HMBOX1: variants seen among roughly 807,000 people sequenced by gnomAD.
The protein encoded by HMBOX1 is homeobox-containing protein 1.
Under a neutral mutation model 54.5 loss-of-function variants are expected in HMBOX1, and 14 were observed. That is an observed-to-expected ratio of 0.26 (90% CI 0.17 to 0.40). The LOEUF is 0.40. Ranked by LOEUF, HMBOX1 falls within the 10% of genes least tolerant of loss-of-function variation. HMBOX1 has a pLI of 1.00. For missense variants in HMBOX1, 332 were observed against 514.4 expected (o/e 0.65, Z 3.43); for synonymous variants, 160 against 181.0 (o/e 0.88, Z 0.93).
At chr8:28,951,642 T>C (rs951802842) in intron 1 of HMBOX1, among the ~76,000 whole-genome samples, 2 of 152,210 alleles carry the variant, frequency 1.3e-5, no homozygotes, top group African/African-American at 2.4e-5. Context: ...TCAGTGCTTC[T>C]TGAATGAATG....
chr8:28,986,167 C>T (rs1231323123), intron 4 of HMBOX1, among the ~76,000 whole-genome samples: 1 of 152,140 alleles, frequency 6.6e-6, no homozygotes, highest in Non-Finnish European at 1.5e-5. Context: ...TGGAGTCATA[C>T]AGTGTGGAGC....
chr8:28,979,283 C>CCACT (rs1321000692), intron 3 of HMBOX1, among the ~76,000 whole-genome samples: 1 of 152,212 alleles, frequency 6.6e-6, no homozygotes, highest in East Asian at 1.9e-4. Context: ...AGAAGTCTTG[C>CCACT]CACTCATTGT....
At chr8:28,954,233 A>G (rs1824005997) in intron 1 of HMBOX1, among the ~76,000 whole-genome samples, 1 of 152,112 alleles carries the variant, frequency 6.6e-6, no homozygotes, top group Admixed American at 6.5e-5. Flanking sequence ...TTTTATTTTT[A>G]TAGATATTTT....
chr8:28,986,662 C>T (rs1349141240), intron 4 of HMBOX1, among the ~76,000 whole-genome samples: 1 of 152,124 alleles, frequency 6.6e-6, no homozygotes, highest in Non-Finnish European at 1.5e-5. Context: ...TTTGAATGTA[C>T]TTCATTCACT....
intron 1 of HMBOX1, among the ~76,000 whole-genome samples, chr8:28,957,034 A>G (rs1824581684): frequency 6.6e-6 from 1 of 152,226 alleles, no homozygotes; most frequent in African/African-American, 2.4e-5. Context: ...GAGAGTCCTC[A>G]AAGAACCAAC....
intron 4 of HMBOX1, among the ~76,000 whole-genome samples, chr8:29,008,248 T>G (rs529351131): frequency 6.6e-6 from 1 of 152,342 alleles, no homozygotes; most frequent in South Asian, 2.1e-4. Context: ...TTTTTTGGAA[T>G]AGCTATGAAT....
In HMBOX1 at chr8:29,049,036, C is replaced by T. The variant is rs751683399; in HGVS notation, c.1113C>T (p.Asp371=). 3 of 1,613,534 alleles carry T rather than the reference C, an allele frequency of 1.9e-6. No individual in the cohort carries two copies. The East Asian group carries it at 6.7e-5, about 36-fold the overall frequency. ...ACAGTGATGATGTCGACGGGAATGACTACTCTGAGCAGGTGAGCCCCTGCG... is the reference window on the plus strand; with the variant it reads ...ACAGTGATGATGTCGACGGGAATGATTACTCTGAGCAGGTGAGCCCCTGCG... ...HSNSDDVDGN[D]YSEQDDSTSH... Residue 371 remains aspartate, a synonymous_variant, in exon 9 of 10, where the codon GAC becomes GAT. Transcript: ENST00000287701.
At chr8:28,894,295 G>A (rs1811631271) in intron 1 of HMBOX1, among the ~76,000 whole-genome samples, 1 of 152,058 alleles carries the variant, frequency 6.6e-6, no homozygotes, top group African/African-American at 2.4e-5. Flanking sequence ...ATACTTTTAT[G>A]TTTATTTATT....
intron 6 of HMBOX1, among the ~76,000 whole-genome samples, chr8:29,039,635 T>G (rs929712940): frequency 2.6e-5 from 4 of 152,200 alleles, no homozygotes; most frequent in South Asian, 2.1e-4. Flanking sequence ...CATATTTTTT[T>G]GGGCTTAAAT....
At chr8:29,046,531 G>A (rs1383576671) in intron 7 of HMBOX1, 2 of 152,244 alleles carry the variant, frequency 1.3e-5, no homozygotes, top group African/African-American at 4.8e-5. Flanking sequence ...ATTGTGCTAT[G>A]TAGTCCAAAC....
intron 4 of HMBOX1, among the ~76,000 whole-genome samples, chr8:28,986,326 T>G (rs1413503792): frequency 5.3e-5 from 8 of 152,232 alleles, no homozygotes; most frequent in Non-Finnish European, 1.0e-4. Context: ...GGATAGCATC[T>G]TGGTTGCTTC....
rs78367573 is a variant in HMBOX1, at chr8:29,042,106, A to G, written c.852-3255A>G. On this transcript the variant is annotated intron_variant, in intron 6 of 9. Coordinates refer to ENST00000287701, the MANE Select transcript of HMBOX1 (RefSeq NM_001135726.3). ...GACGTACCAGTAAGGGAGACAAAACACCACCAATTATAAAATGCATCCTGA... is the reference window on the plus strand; with the variant it reads ...GACGTACCAGTAAGGGAGACAAAACGCCACCAATTATAAAATGCATCCTGA... 3.9e-3 allele frequency among the ~76,000 whole-genome samples: 601 copies of G among 152,304 alleles called. 12 individuals carry two copies. The East Asian group carries it at 0.055, about 14-fold the overall frequency.
chr8:28,938,620 T>A (rs1820797532), intron 1 of HMBOX1, among the ~76,000 whole-genome samples: 1 of 151,858 alleles, frequency 6.6e-6, no homozygotes, highest in African/African-American at 2.4e-5. Context: ...CAATTTTTTT[T>A]TTTTTTTGGT....
At chr8:28,922,047 C>T (rs1817645189) in intron 1 of HMBOX1, among the ~76,000 whole-genome samples, 1 of 152,100 alleles carries the variant, frequency 6.6e-6, no homozygotes, top group Non-Finnish European at 1.5e-5. Context: ...TAAATTTTGC[C>T]TGGAAATATA....
chr8:29,018,126 A>G (rs1800615124), intron 5 of HMBOX1, among the ~76,000 whole-genome samples: 1 of 152,228 alleles, frequency 6.6e-6, no homozygotes, highest in African/African-American at 2.4e-5. Context: ...TTGAAAGTCT[A>G]TGAAATAAGT....
At chr8:28,900,910 C>G (rs1813128781) in intron 1 of HMBOX1, among the ~76,000 whole-genome samples, 1 of 152,176 alleles carries the variant, frequency 6.6e-6, no homozygotes, top group African/African-American at 2.4e-5. Flanking sequence ...GTCTTAATTA[C>G]TCTTAGAATA....
At chr8:29,049,534 T>G (rs1257400218) in intron 9 of HMBOX1, 1 of 1,290,298 alleles carries the variant, frequency 7.8e-7, no homozygotes, top group Non-Finnish European at 1.0e-6. Context: ...GGAACCCTCC[T>G]GCCCAAAGGA....
At chr8:28,952,337 G>A (rs755123978) in intron 1 of HMBOX1, among the ~76,000 whole-genome samples, 3 of 151,946 alleles carry the variant, frequency 2.0e-5, no homozygotes, top group East Asian at 1.9e-4. Context: ...GGGTTCAAGC[G>A]ATCCTCCTGC....
intron 5 of HMBOX1, chr8:29,010,154 T>C (rs1834039386): frequency 1.0e-6 from 1 of 976,590 alleles, no homozygotes; most frequent in South Asian, 4.7e-5. Flanking sequence ...TCTACAATAA[T>C]ATTAAAAATC....
Sources: gnomAD v4.1 joint callset for allele counts (sites outside exome capture counted in the v4.1 genomes callset) on GRCh38, gnomAD v4.1.1 for gene constraint, MANE v1.5 for transcripts, NCBI Gene and HGNC (gene_info 2026-07-23, HGNC 2026-07-21) for gene names.